Variants in NMT2 observed in about 807,000 individuals in gnomAD.
NMT2 encodes the protein glycylpeptide N-tetradecanoyltransferase 2.
NMT2 carries 35 observed loss-of-function variants against 65.4 expected under a neutral mutation model. The observed-to-expected ratio is 0.54, with a 90% CI of 0.41 to 0.71. NMT2 has a LOEUF of 0.71. NMT2 is among the 30% of genes least tolerant of loss of function. The pLI, the probability that NMT2 is intolerant of heterozygous loss-of-function variation, is 0.00. For synonymous variants in NMT2, 226 were observed against 231.8 expected (o/e 0.98, Z 0.23); for missense variants, 489 against 611.3 (o/e 0.80, Z 2.11).
At chr10:15,166,854 C>A (rs185810180) in intron 1 of NMT2, among the ~76,000 whole-genome samples, 82 of 152,304 alleles carry the variant, frequency 5.4e-4, no homozygotes, top group African/African-American at 1.9e-3. Context: ...AATGCGCACA[C>A]AGATGAGGAA....
At chr10:15,127,560 A>AT (rs1187772552) in intron 8 of NMT2, among the ~76,000 whole-genome samples, 13,542 of 95,084 alleles carry the variant, frequency 0.14, 1,346 homozygotes, top group Middle Eastern at 0.26. Context: ...AAAAAAAAAA[A>AT]AAAAAAAAAA....
At chr10:15,139,617 G>T (rs1293583827) in intron 2 of NMT2, 1 of 151,850 alleles carries the variant, frequency 6.6e-6, no homozygotes, top group African/African-American at 2.4e-5. Context: ...TATCTAGTGG[G>T]TAGCATATTT....
At chr10:15,134,609 CAG>C (rs1229938333) in intron 3 of NMT2, among the ~76,000 whole-genome samples, 1 of 152,114 alleles carries the variant, frequency 6.6e-6, no homozygotes, top group Non-Finnish European at 1.5e-5. Flanking sequence ...CATTTAATAA[CAG>C]ACACTCAACA....
chr10:15,135,949 G>A (rs951556600), intron 2 of NMT2, among the ~76,000 whole-genome samples: 14 of 151,332 alleles, frequency 9.3e-5, no homozygotes, highest in African/African-American at 3.2e-4. Context: ...AGAGAGGATC[G>A]GCAGTGGTGT....
intron 2 of NMT2, among the ~76,000 whole-genome samples, chr10:15,136,235 AAAGGGAAAGGAAGGGAAGGG>A (rs1846490502): frequency 6.8e-6 from 1 of 146,936 alleles, no homozygotes; most frequent in Non-Finnish European, 1.5e-5. Context: ...AGGGAAAGGG[AAAGGGAAAGGAAGGGAAGGG>A]AAGGGAAAGG....
intron 1 of NMT2, among the ~76,000 whole-genome samples, chr10:15,167,204 C>T (rs930063156): frequency 3.3e-5 from 5 of 152,062 alleles, no homozygotes; most frequent in Admixed American, 2.0e-4. Flanking sequence ...ATTCTAGACT[C>T]GAACATTCGA....
At chr10:15,115,274 T>G (rs1008318348) in intron 9 of NMT2, among the ~76,000 whole-genome samples, 1 of 152,136 alleles carries the variant, frequency 6.6e-6, no homozygotes, top group African/African-American at 2.4e-5. Context: ...ACTTGATGAT[T>G]AAAACAAAAA....
chr10:15,148,039 T>C (rs946824750), intron 1 of NMT2, among the ~76,000 whole-genome samples: 5 of 152,196 alleles, frequency 3.3e-5, no homozygotes, highest in Non-Finnish European at 7.3e-5. Context: ...ATTTTATCTC[T>C]AGGATGGTAT....
In NMT2 at chr10:15,108,264, T is replaced by C. The variant is rs1845378290; in HGVS notation, c.*931A>G. On this transcript the variant is annotated 3_prime_UTR_variant, in exon 12 of 12. Transcript: ENST00000378165. ...GTGCAGTGGCTCGATCTCGGCTCAC[T>C]GCAACCTCACCTCTCAGGTTCAAGC... 2 of 825,446 alleles carry C rather than the reference T, an allele frequency of 2.4e-6. No homozygotes were observed. Among genetic ancestry groups the C allele is most frequent in the Non-Finnish European group, 2.9e-6 (2 of 685,130 alleles). 51.1% of individuals were successfully genotyped at this position (825,446 alleles called of 1,614,324 possible). A position where few individuals can be genotyped will look rare whatever the true frequency, so the allele number is the denominator to read the frequency against.
rs201365639 is a variant in NMT2, at chr10:15,133,014, C to T, written c.602+39G>A. ...ACAGACGCAGGAGTCCCCAAGTCAG[C>T]AGCGCCTATCCACGACATCTGTGAT... On this transcript the variant is annotated intron_variant, in intron 5 of 11. Coordinates refer to ENST00000378165, the MANE Select transcript of NMT2 (RefSeq NM_004808.3). 5 of 1,598,110 alleles carry T rather than the reference C, an allele frequency of 3.1e-6. No homozygotes were observed. The African/African-American group carries it at 6.7e-5, about 21-fold the overall frequency.
intron 1 of NMT2, among the ~76,000 whole-genome samples, chr10:15,158,794 G>T (rs1221403903): frequency 1.3e-5 from 2 of 152,136 alleles, no homozygotes; most frequent in Non-Finnish European, 2.9e-5. Flanking sequence ...CAAGATCAGG[G>T]TGCCAGCAGG....
intron 1 of NMT2, among the ~76,000 whole-genome samples, chr10:15,162,877 C>G (rs764402128): frequency 6.8e-6 from 1 of 146,080 alleles, no homozygotes; most frequent in Non-Finnish European, 1.5e-5. Flanking sequence ...TATTTGATAT[C>G]TTTTGATATT....
In NMT2 at chr10:15,133,435, T is replaced by C. The variant is rs532243699; in HGVS notation, c.392-72A>G. On this transcript the variant is annotated intron_variant, in intron 3 of 11. Transcript: ENST00000378165. ...ATTAAATGACAAAGTATTCTAACCA[T>C]CCAAAGTGGTCAGTGACATAAGCAA... 51 of 1,211,876 alleles carry C rather than the reference T, an allele frequency of 4.2e-5. No individual in the cohort carries two copies. The East Asian group carries it at 1.1e-3, about 27-fold the overall frequency. 75.1% of individuals were successfully genotyped at this position (1,211,876 alleles called of 1,614,324 possible).
At chr10:15,156,048 T>C (rs1832987689) in intron 1 of NMT2, among the ~76,000 whole-genome samples, 1 of 152,210 alleles carries the variant, frequency 6.6e-6, no homozygotes, top group Admixed American at 6.5e-5. Flanking sequence ...CCATTGAATA[T>C]TTTTGAACCA....
chr10:15,128,428 T>C lies in NMT2; in HGVS notation c.921A>G (p.Lys307=). Residue 307 remains lysine (K), a synonymous_variant, in exon 8 of 12, where the codon AAA becomes AAG. Coordinates refer to ENST00000378165, the MANE Select transcript of NMT2 (RefSeq NM_004808.3). Reference sequence around the variant, plus strand: ...AGTGAGAAAATTTCACTTCTACCAATTTTCTGGGGTTTAGTGATCGATGCC... The same window carrying C: ...AGTGAGAAAATTTCACTTCTACCAACTTTCTGGGGTTTAGTGATCGATGCC... ...RYWHRSLNPR[K]LVEVKFSHLS... is the part of the protein sequence containing the mutation. The C allele has an allele frequency of 6.2e-7, 1 of 1,609,640 alleles. No individual in the cohort carries two copies. Among genetic ancestry groups the C allele is most frequent in the Non-Finnish European group, 8.5e-7 (1 of 1,176,048 alleles).
At position 15,106,525 on chromosome 10, in the gene NMT2, C is replaced by T. The variant is rs548247176; in HGVS notation, c.*2670G>A. 1 of 426,174 alleles carries T rather than the reference C, an allele frequency of 2.3e-6. No individual in the cohort carries two copies. Among genetic ancestry groups the T allele is most frequent in the Non-Finnish European group, 3.1e-6 (1 of 318,866 alleles). The allele number at this position is 426,174 out of a possible 1,614,324, so 26.4% of individuals were successfully genotyped here. On this transcript the variant is annotated 3_prime_UTR_variant, in exon 12 of 12. Coordinates refer to ENST00000378165, the MANE Select transcript of NMT2 (RefSeq NM_004808.3). ...ATTAGGGTGGAACCATCTGAAATTC[C>T]AAGTCTTCCATTATCTCCAAGAGAG...
intron 1 of NMT2, among the ~76,000 whole-genome samples, chr10:15,144,961 C>T (rs910641546): frequency 4.6e-5 from 7 of 152,174 alleles, no homozygotes; most frequent in African/African-American, 9.7e-5. Context: ...ATACTCATAG[C>T]AGCATCATTC....
At chr10:15,122,599 T>C (rs1250473869) in intron 8 of NMT2, among the ~76,000 whole-genome samples, 1 of 152,142 alleles carries the variant, frequency 6.6e-6, no homozygotes, top group East Asian at 1.9e-4. Flanking sequence ...TTTTGTATTT[T>C]TAGTAGAGAT....
At chr10:15,164,210 C>T (rs999327485) in intron 1 of NMT2, among the ~76,000 whole-genome samples, 7 of 140,444 alleles carry the variant, frequency 5.0e-5, no homozygotes, top group Admixed American at 4.2e-4. Context: ...AAAAAAAGGT[C>T]TTAACCCTAT....
Sources: gnomAD v4.1 joint callset for allele counts (sites outside exome capture counted in the v4.1 genomes callset) on GRCh38, gnomAD v4.1.1 for gene constraint, MANE v1.5 for transcripts, NCBI Gene and HGNC (gene_info 2026-07-23, HGNC 2026-07-21) for gene names.